The following RUNDC3B variants were observed in gnomAD, a reference collection of about 807,000 sequenced individuals.
RUNDC3B encodes the protein RUN domain containing 3B, also known as RUN domain-containing protein 3B.
A neutral mutation model predicts 58.4 loss-of-function variants in RUNDC3B; 33 were observed. The ratio of observed to expected loss-of-function variants is 0.56; its 90% CI spans 0.43 to 0.75. The LOEUF (loss-of-function observed/expected upper bound fraction) is 0.75, where lower values mean the gene tolerates loss of function less well. RUNDC3B is among the 30% of genes least tolerant of loss of function. The pLI is 0.00. For synonymous variants in RUNDC3B, 193 were observed against 195.2 expected, an observed-to-expected ratio of 0.99 and a Z score of 0.10; for missense variants, 501 against 535.7, an observed-to-expected ratio of 0.94 and a Z score of 0.64.
intron 1 of RUNDC3B, among the ~76,000 whole-genome samples, chr7:87,634,372 A>G (rs940445479): frequency 6.6e-5 from 10 of 151,706 alleles, no homozygotes; most frequent in Admixed American, 6.6e-4. Context: ...CTGTAATCCT[A>G]GGACTTTGGG....
chr7:87,803,566 A>C (rs1043458973), intron 8 of RUNDC3B, among the ~76,000 whole-genome samples: 6 of 152,230 alleles, frequency 3.9e-5, no homozygotes, highest in Non-Finnish European at 7.4e-5. Flanking sequence ...CTAGAAGCCT[A>C]TTAGAAGCGG....
intron 1 of RUNDC3B, among the ~76,000 whole-genome samples, chr7:87,644,615 G>T (rs1281227243): frequency 6.6e-6 from 1 of 152,058 alleles, no homozygotes; most frequent in Admixed American, 6.6e-5. Flanking sequence ...CATATAAAGG[G>T]ATATAACATG....
intron 6 of RUNDC3B, among the ~76,000 whole-genome samples, chr7:87,753,200 A>G (rs1833130396): frequency 6.6e-6 from 1 of 150,476 alleles, no homozygotes; most frequent in South Asian, 2.1e-4. Flanking sequence ...GAGATTCTTA[A>G]TCCTGAGTTC....
At chr7:87,735,888 G>A (rs1342446947) in intron 4 of RUNDC3B, among the ~76,000 whole-genome samples, 1 of 152,038 alleles carries the variant, frequency 6.6e-6, no homozygotes, top group African/African-American at 2.4e-5. Flanking sequence ...GCTTCATAGA[G>A]AGGATCTAAA....
intron 2 of RUNDC3B, among the ~76,000 whole-genome samples, chr7:87,700,091 C>T (rs1828886663): frequency 2.0e-5 from 3 of 151,804 alleles, no homozygotes; most frequent in Admixed American, 6.6e-5. Flanking sequence ...GGAAGGTTCC[C>T]GTGTGCTATT....
chr7:87,820,194 G>T (rs1296353478), intron 10 of RUNDC3B, among the ~76,000 whole-genome samples: 3 of 152,046 alleles, frequency 2.0e-5, no homozygotes, highest in Non-Finnish European at 4.4e-5. Flanking sequence ...AATAAAAAAT[G>T]ATAAAGGGGA....
chr7:87,728,251 C>T (rs576569023), intron 4 of RUNDC3B, among the ~76,000 whole-genome samples: 3 of 152,214 alleles, frequency 2.0e-5, no homozygotes, highest in African/African-American at 7.2e-5. Context: ...TTCTCCAGAC[C>T]TTCTTCTGCA....
At chr7:87,825,302 A>G (rs1053806358) in intron 10 of RUNDC3B, among the ~76,000 whole-genome samples, 1 of 152,212 alleles carries the variant, frequency 6.6e-6, no homozygotes, top group Non-Finnish European at 1.5e-5. Context: ...CAAGGAGCCA[A>G]ATGTTAATCC....
At position 87,628,584 on chromosome 7, in the gene RUNDC3B, CGTGTGTGTGT is replaced by C. The variant is rs71117546; in HGVS notation, c.-208_-199del. On this transcript the variant is annotated 5_prime_UTR_variant, in exon 1 of 11. Transcript: ENST00000394654. ...CGAGGGCGGAGGTGGTGCGTGCGTGCGTGTGTGTGTGTGTGTGTGTGTGTGTGTGTGTGTG... is the reference window on the plus strand; with the variant it reads ...CGAGGGCGGAGGTGGTGCGTGCGTGCGTGTGTGTGTGTGTGTGTGTGTGTG... The C allele has an allele frequency of 0.25, 71,406 of 289,688 alleles. 5,714 individuals carry two copies. The highest frequency in any genetic ancestry group is 0.37 in the South Asian group (2,139 of 5,744). The allele number at this position is 289,688 out of a possible 1,614,324, so 17.9% of individuals were successfully genotyped here. A position where few individuals can be genotyped will look rare whatever the true frequency, so the allele number is the denominator to read the frequency against.
intron 2 of RUNDC3B, chr7:87,693,893 A>G: frequency 1.4e-6 from 2 of 1,462,362 alleles, no homozygotes; most frequent in Non-Finnish European, 1.9e-6. Flanking sequence ...TGTTGTTGTT[A>G]TTTTTTTTTT....
chr7:87,771,618 G>GA (rs1834290252), intron 7 of RUNDC3B, among the ~76,000 whole-genome samples: 1 of 152,140 alleles, frequency 6.6e-6, no homozygotes, highest in Non-Finnish European at 1.5e-5. Flanking sequence ...CTAGGGATCA[G>GA]AAACATACAC....
intron 2 of RUNDC3B, among the ~76,000 whole-genome samples, chr7:87,683,015 A>G (rs1279188567): frequency 6.6e-6 from 1 of 152,168 alleles, no homozygotes; most frequent in Non-Finnish European, 1.5e-5. Flanking sequence ...AGTTAGCACA[A>G]CTTCTCCATC....
chr7:87,677,274 AACACACACACACACACAC>A (rs57009840), intron 2 of RUNDC3B, among the ~76,000 whole-genome samples: 6 of 135,898 alleles, frequency 4.4e-5, no homozygotes, highest in African/African-American at 1.4e-4. Flanking sequence ...CAGTGTATAT[AACACACACACACACACAC>A]ACACACACAC....
At chr7:87,741,716 G>A in intron 6 of RUNDC3B, 137 bp downstream of exon 6, 1 of 515,288 alleles carries the variant, frequency 1.9e-6, no homozygotes, top group East Asian at 3.6e-5. Flanking sequence ...ACAAGCTTCA[G>A]TTGCATTTTT....
At chr7:87,772,810 A>T (rs1834354067) in intron 7 of RUNDC3B, among the ~76,000 whole-genome samples, 1 of 152,182 alleles carries the variant, frequency 6.6e-6, no homozygotes, top group Non-Finnish European at 1.5e-5. Flanking sequence ...GCCAGTTAAG[A>T]TAAACTCTTA....
At chr7:87,651,058 A>G (rs1228008072) in intron 2 of RUNDC3B, 121 bp downstream of exon 2, 2 of 626,278 alleles carry the variant, frequency 3.2e-6, no homozygotes, top group African/African-American at 1.9e-5. Flanking sequence ...TGAAATGTCA[A>G]ATCTTTTGGC....
chr7:87,704,984 C>T (rs1468863881), intron 3 of RUNDC3B, among the ~76,000 whole-genome samples: 1 of 152,140 alleles, frequency 6.6e-6, no homozygotes. Flanking sequence ...ATATTTCAGA[C>T]CAGAAGCACT....
intron 2 of RUNDC3B, among the ~76,000 whole-genome samples, chr7:87,674,130 G>C (rs911798758): frequency 2.6e-5 from 4 of 152,206 alleles, no homozygotes; most frequent in Non-Finnish European, 4.4e-5. Flanking sequence ...ACTCCTATGG[G>C]TGGTACCGGC....
At chr7:87,727,243 T>A (rs1348694366) in intron 4 of RUNDC3B, among the ~76,000 whole-genome samples, 1 of 152,162 alleles carries the variant, frequency 6.6e-6, no homozygotes, top group Non-Finnish European at 1.5e-5. Context: ...ATATCTCTTA[T>A]TATTTTGAGT....
Sources: allele counts gnomAD v4.1 joint callset (sites outside exome capture counted in the v4.1 genomes callset), GRCh38; gene constraint gnomAD v4.1.1; transcripts MANE v1.5; gene names NCBI Gene and HGNC (gene_info 2026-07-23, HGNC 2026-07-21).